Variants in FLNB observed in about 807,000 individuals in gnomAD.
FLNB encodes the protein filamin B.
FLNB carries 111 observed loss-of-function variants against 250.6 expected under a neutral mutation model. The ratio of observed to expected loss-of-function variants is 0.44; its 90% CI spans 0.38 to 0.52. The LOEUF is 0.52. Among genes scored for constraint, FLNB ranks in the 20% least tolerant of loss-of-function variants. FLNB has a pLI of 0.00. For missense variants in FLNB, 2,869 were observed against 3,447.8 expected (o/e 0.83, Z 4.20); for synonymous variants, 1,302 against 1,372.1 (o/e 0.95, Z 1.13).
chr3:58,027,222 G>A (rs556678908), intron 1 of FLNB, among the ~76,000 whole-genome samples: 19 of 151,644 alleles, frequency 1.3e-4, no homozygotes, highest in African/African-American at 4.1e-4. Context: ...GCGCGATCTC[G>A]GCTCACCACA....
At chr3:58,110,271 T>TA (rs1311013633) in intron 16 of FLNB, 101 bp downstream of exon 16, 17 of 1,270,806 alleles carry the variant, frequency 1.3e-5, no homozygotes, top group Non-Finnish European at 1.8e-5. Flanking sequence ...TTGTTAGTAT[T>TA]ATTATTTTTG....
At chr3:58,086,089 G>C (rs931385949) in intron 4 of FLNB, among the ~76,000 whole-genome samples, 4 of 151,872 alleles carry the variant, frequency 2.6e-5, no homozygotes, top group African/African-American at 9.7e-5. Flanking sequence ...TTGACCTTCT[G>C]GGCTCAAGTG....
chr3:58,085,849 T>C (rs2106990148), intron 4 of FLNB, among the ~76,000 whole-genome samples: 1 of 152,318 alleles, frequency 6.6e-6, no homozygotes, highest in Admixed American at 6.5e-5. Flanking sequence ...GTGGTTCAAC[T>C]TTCTAACCAG....
chr3:58,148,483 G>A (rs2097339542), intron 35 of FLNB, 119 bp downstream of exon 35: 2 of 1,312,916 alleles, frequency 1.5e-6, no homozygotes, highest in East Asian at 2.5e-5. Flanking sequence ...AAACCTGCTG[G>A]GTCACACGCA....
chr3:58,090,618 C>T (rs558033267), intron 4 of FLNB, among the ~76,000 whole-genome samples: 9 of 152,122 alleles, frequency 5.9e-5, no homozygotes, highest in East Asian at 1.9e-4. Context: ...TATAATCTTA[C>T]GGGACCATCA....
At chr3:58,085,145 G>A (rs928169482) in intron 4 of FLNB, among the ~76,000 whole-genome samples, 1 of 152,226 alleles carries the variant, frequency 6.6e-6, no homozygotes. Flanking sequence ...AAACATGGGT[G>A]TACAAGTGCT....
Position 58,094,896 on chromosome 3 carries a change from G to A in FLNB, c.848G>A (p.Ser283Asn), listed in dbSNP as rs760304957. The change falls in exon 5 of 46, where the codon AGC becomes AAC. Residue 283 changes from serine to asparagine, a missense_variant. By Grantham distance (46) the Ser-to-Asn change is conservative (BLOSUM62 1). This residue lies in a region of FLNB where 308 missense variants were observed against 466.1 expected (regional missense o/e 0.66). Coordinates refer to ENST00000295956, the MANE Select transcript of FLNB (RefSeq NM_001457.4). Reference protein sequence around the residue: ...QPAKFTVDTISAGQGDVMVFV... With the variant: ...QPAKFTVDTINAGQGDVMVFV... ...GCCAAGTTCACTGTGGACACCATCA[G>A]CGCCGGGCAAGGAGACGTGATGGTG... 6 of 1,614,028 alleles carry A rather than the reference G, an allele frequency of 3.7e-6. No individual in the cohort carries two copies. In the African/African-American group the frequency reaches 8.0e-5, roughly 22 times the overall value.
chr3:58,056,934 G>A (rs577498067), intron 1 of FLNB, among the ~76,000 whole-genome samples: 1 of 152,208 alleles, frequency 6.6e-6, no homozygotes, highest in African/African-American at 2.4e-5. Context: ...TCAGCAATCA[G>A]TGTATACTTG....
intron 8 of FLNB, among the ~76,000 whole-genome samples, chr3:58,100,273 T>C (rs1368079287): frequency 6.6e-6 from 1 of 151,360 alleles, no homozygotes; most frequent in Non-Finnish European, 1.5e-5. Context: ...TTTTCTGGCC[T>C]GTACATCCTA....
chr3:58,148,284 GCAGC>G lies in FLNB; in HGVS notation c.5809_5812del (p.Ser1937Ter). 1 of 1,614,172 alleles carries G rather than the reference GCAGC, an allele frequency of 6.2e-7. No homozygotes were observed. The highest frequency in any genetic ancestry group is 8.5e-7 in the Non-Finnish European group (1 of 1,180,026). On this transcript the variant is annotated frameshift_variant, in exon 35 of 46. Coordinates refer to ENST00000295956, the MANE Select transcript of FLNB (RefSeq NM_001457.4). LOFTEE classifies it high-confidence loss of function. ...CTCGACATCAGTGAGACTGACCTCA[GCAGC>G]CTGACGGCCAGCATTAAGGCCCCAT...
chr3:58,132,368 TTG>T, intron 25 of FLNB: 1 of 411,576 alleles, frequency 2.4e-6, no homozygotes. Context: ...GCCACAAGTC[TTG>T]ACTAGCCAGC....
chr3:58,055,929 A>G lies in FLNB; in HGVS notation c.293-21117A>G, dbSNP rs559783003. Among the ~76,000 whole-genome samples, 13 of 152,248 alleles carry G rather than the reference A, an allele frequency of 8.5e-5. No homozygotes were observed. In the South Asian group the frequency reaches 2.7e-3, roughly 32 times the overall value. On this transcript the variant is annotated intron_variant, in intron 1 of 45. Transcript: ENST00000295956. ...GAACTACTATAATTATCATGTAGCA[A>G]TGGCATAAAGGATAGTTTGTGCTAT...
At chr3:58,046,386 CT>C (rs2097154205) in intron 1 of FLNB, among the ~76,000 whole-genome samples, 1 of 152,008 alleles carries the variant, frequency 6.6e-6, no homozygotes, top group South Asian at 2.1e-4. Context: ...AAAATTCACC[CT>C]TTTAAAGTAT....
chr3:58,150,003 G>C lies in FLNB; in HGVS notation c.6244+1G>C. ...AAATTCGCTGACGAGCACGTGCCTG[G>C]TATGTGCATTCCATTCCCCTCCAGG... On this transcript the variant is annotated splice_donor_variant, in intron 37 of 45. Transcript: ENST00000295956. LOFTEE classifies it high-confidence loss of function. The C allele has an allele frequency of 1.2e-6, 2 of 1,614,248 alleles. No individual in the cohort carries two copies. The highest frequency in any genetic ancestry group is 1.7e-6 in the Non-Finnish European group (2 of 1,180,048).
rs571294283 is a variant in FLNB at position 58,058,507 on chromosome 3, C to T, written c.293-18539C>T. Among the ~76,000 whole-genome samples, 30 of 152,294 alleles carry T rather than the reference C, an allele frequency of 2.0e-4. No homozygotes were observed. In the South Asian group the frequency reaches 4.6e-3, roughly 23 times the overall value. ...TTTCGCCCAAATTCCTCAAAATCAT[C>T]GCCTGTTGTTTAAGAATTACAGTTT... is the stretch of plus-strand genomic sequence containing the variant. On this transcript the variant is annotated intron_variant, in intron 1 of 45. Transcript: ENST00000295956.
At chr3:58,121,525 A>G (rs764379088) in intron 20 of FLNB, 22 bp downstream of exon 20, 10 of 1,613,304 alleles carry the variant, frequency 6.2e-6, no homozygotes, top group Middle Eastern at 1.6e-4. Flanking sequence ...CTTTTGTCCC[A>G]GAACTTGTCT....
intron 38 of FLNB, 90 bp downstream of exon 38, chr3:58,150,317 C>A: frequency 6.9e-7 from 1 of 1,445,028 alleles, no homozygotes; most frequent in Non-Finnish European, 9.7e-7. Context: ...AGGCATGGCC[C>A]AGAACACAGT....
chr3:58,125,707 T>G lies in FLNB; in HGVS notation c.4025T>G (p.Phe1342Cys). Reference protein sequence around the residue: ...QAQGPGLKEAFTNKPNVFTVV... With the variant: ...QAQGPGLKEACTNKPNVFTVV... ...CAAGGACCTGGATTGAAAGAGGCCT[T>G]TACCAACAAGCCCAATGTCTTCACC... Residue 1342 changes from phenylalanine to cysteine, a missense_variant, in exon 23 of 46, where the codon TTT becomes TGT. Coordinates refer to ENST00000295956, the MANE Select transcript of FLNB (RefSeq NM_001457.4). The G allele has an allele frequency of 6.2e-7, 1 of 1,614,170 alleles. No individual in the cohort carries two copies. The highest frequency in any genetic ancestry group is 8.5e-7 in the Non-Finnish European group (1 of 1,180,034).
At chr3:58,077,410 C>G in intron 2 of FLNB, 116 bp downstream of exon 2, 1 of 1,348,798 alleles carries the variant, frequency 7.4e-7, no homozygotes. Context: ...TTCTCCAGGT[C>G]TTAGCCCATT....
Sources: gnomAD v4.1 joint callset for allele counts (sites outside exome capture counted in the v4.1 genomes callset) on GRCh38, gnomAD v4.1.1 for gene constraint, gnomAD v4.1.1 regional missense constraint, MANE v1.5 for transcripts, NCBI Gene and HGNC (gene_info 2026-07-23, HGNC 2026-07-21) for gene names.